Variants in STAT5B observed in about 807,000 individuals in gnomAD.
STAT5B encodes the protein transcription factor STAT5B.
Under a neutral mutation model 107.8 loss-of-function variants are expected in STAT5B, and 21 were observed. The observed-to-expected ratio is 0.19, with a 90% CI of 0.14 to 0.28. STAT5B has a LOEUF of 0.28. STAT5B is among the 10% of genes least tolerant of loss of function. The pLI, the probability that STAT5B is intolerant of heterozygous loss-of-function variation, is 1.00. For missense variants in STAT5B, 565 were observed against 1,008.2 expected (o/e 0.56, Z 5.95); for synonymous variants, 325 against 401.7 (o/e 0.81, Z 2.28).
At position 42,262,760 on chromosome 17, in the gene STAT5B, A is replaced by G. The variant is rs187413920; in HGVS notation, c.-11+13488T>C. On this transcript the variant is annotated intron_variant, in intron 1 of 18. Transcript: ENST00000293328. ...GCAGAGTGTGTATATATATGTGTGTATATATATACATATATGTATATATAT... is the reference window on the plus strand; with the variant it reads ...GCAGAGTGTGTATATATATGTGTGTGTATATATACATATATGTATATATAT... Among the ~76,000 whole-genome samples the G allele has an allele frequency of 3.5e-3, 452 of 128,216 alleles. 5 individuals carry two copies. The highest frequency in any genetic ancestry group is 0.013 in the African/African-American group (428 of 34,054). 84.1% of individuals were successfully genotyped at this position (128,216 alleles called of 152,430 possible). A position where few individuals can be genotyped will look rare whatever the true frequency, so the allele number is the denominator to read the frequency against.
chr17:42,227,025 C>T (rs1281771997), intron 3 of STAT5B, among the ~76,000 whole-genome samples: 1 of 149,616 alleles, frequency 6.7e-6, no homozygotes, highest in Non-Finnish European at 1.5e-5. Flanking sequence ...ATCCCAGCTA[C>T]TTGAGAGGCT....
Position 42,212,301 on chromosome 17 carries a change from G to A in STAT5B, c.1474-111C>T, listed in dbSNP as rs1373929660. 6 of 1,545,576 alleles carry A rather than the reference G, an allele frequency of 3.9e-6. No homozygotes were observed. The Admixed American group carries it at 1.1e-4, about 29-fold the overall frequency. On this transcript the variant is annotated intron_variant, in intron 12 of 18. Coordinates refer to ENST00000293328, the MANE Select transcript of STAT5B (RefSeq NM_012448.4). Reference sequence around the variant, plus strand: ...GGGAGTGGTTACACACATTTGTCTTGCAGGGCCTGAGGATAAATTCAGACT... The same window carrying A: ...GGGAGTGGTTACACACATTTGTCTTACAGGGCCTGAGGATAAATTCAGACT...
intron 1 of STAT5B, among the ~76,000 whole-genome samples, chr17:42,273,359 A>C (rs1431716083): frequency 6.6e-6 from 1 of 152,246 alleles, no homozygotes; most frequent in Non-Finnish European, 1.5e-5. Context: ...ATTAAGTTGC[A>C]CAGTTAAAGT....
At chr17:42,228,227 G>C (rs937356997) in intron 2 of STAT5B, among the ~76,000 whole-genome samples, 2 of 152,176 alleles carry the variant, frequency 1.3e-5, no homozygotes, top group African/African-American at 4.8e-5. Flanking sequence ...GTGCCTACAA[G>C]AATTTATACG....
At chr17:42,265,594 G>T (rs1458386157) in intron 1 of STAT5B, among the ~76,000 whole-genome samples, 1 of 151,720 alleles carries the variant, frequency 6.6e-6, no homozygotes, top group Non-Finnish European at 1.5e-5. Context: ...CTCGTGATCC[G>T]ACTGCCTTAG....
intron 12 of STAT5B, among the ~76,000 whole-genome samples, chr17:42,212,394 G>A (rs996222953): frequency 6.6e-5 from 10 of 152,194 alleles, no homozygotes; most frequent in African/African-American, 2.4e-4. Context: ...ACAACTAGAA[G>A]GTAACCCATG....
chr17:42,203,105 T>G (rs2080059065), intron 16 of STAT5B, among the ~76,000 whole-genome samples: 1 of 152,068 alleles, frequency 6.6e-6, no homozygotes, highest in African/African-American at 2.4e-5. Context: ...ACACTTTGGC[T>G]AATTTTTGTA....
chr17:42,244,191 G>A (rs2080430930), intron 1 of STAT5B, among the ~76,000 whole-genome samples: 1 of 150,442 alleles, frequency 6.6e-6, no homozygotes, highest in African/African-American at 2.4e-5. Flanking sequence ...GGGTTCAGGT[G>A]ATCCTCCTCC....
chr17:42,210,379 G>A (rs375841379), intron 14 of STAT5B, 24 bp downstream of exon 14: 8 of 1,614,048 alleles, frequency 5.0e-6, no homozygotes, highest in East Asian at 2.2e-5. Flanking sequence ...CTCTGTCGGC[G>A]CCTTAAGAAA....
chr17:42,249,914 G>A (rs933445307), intron 1 of STAT5B, among the ~76,000 whole-genome samples: 1 of 152,054 alleles, frequency 6.6e-6, no homozygotes, highest in African/African-American at 2.4e-5. Flanking sequence ...CACCCACCTC[G>A]GCCCTCCAAA....
chr17:42,240,530 T>C lies in STAT5B; in HGVS notation c.-10-8393A>G, dbSNP rs149070873. 9.9e-5 allele frequency among the ~76,000 whole-genome samples: 15 copies of C among 152,210 alleles called. No homozygotes were observed. In the East Asian group the frequency reaches 2.9e-3, roughly 29 times the overall value. On this transcript the variant is annotated intron_variant, in intron 1 of 18. Transcript: ENST00000293328. ...ATGATTGCTAAAAGGTAAGGGCTTT[T>C]TGAGGGGATGATGAAAATGTTCCGG...
intron 5 of STAT5B, among the ~76,000 whole-genome samples, chr17:42,220,059 C>T (rs181501572): frequency 3.3e-5 from 5 of 152,336 alleles, no homozygotes; most frequent in African/African-American, 1.2e-4. Flanking sequence ...TCTGAGCCGT[C>T]CCCTCTGGGG....
chr17:42,273,758 A>G (rs1281622403), intron 1 of STAT5B, among the ~76,000 whole-genome samples: 2 of 152,234 alleles, frequency 1.3e-5, no homozygotes, highest in Non-Finnish European at 2.9e-5. Context: ...CTACATAACA[A>G]CAAGCCAAAT....
rs3048166 is a variant in STAT5B, at chr17:42,253,107, C to CCTTTCTTT, written c.-10-20978_-10-20971dup. 1.7e-3 allele frequency among the ~76,000 whole-genome samples: 250 copies of CCTTTCTTT among 148,538 alleles called. 3 individuals are homozygous for CCTTTCTTT. Among genetic ancestry groups the CCTTTCTTT allele is most frequent in the African/African-American group, 5.1e-3 (198 of 38,616 alleles). On this transcript the variant is annotated intron_variant, in intron 1 of 18. Coordinates refer to ENST00000293328, the MANE Select transcript of STAT5B (RefSeq NM_012448.4). ...TGGCATCAGTCTGATAGACGTTGAA[C>CCTTTCTTT]CTTTCTTTCTTTCTTTCTTTCTTTC... is the stretch of plus-strand genomic sequence containing the variant.
intron 16 of STAT5B, among the ~76,000 whole-genome samples, chr17:42,207,033 C>T (rs1005987445): frequency 2.0e-5 from 3 of 151,804 alleles, no homozygotes; most frequent in Non-Finnish European, 2.9e-5. Context: ...CCTGCCACCA[C>T]ACCTAATTTT....
intron 12 of STAT5B, chr17:42,214,320 G>A: frequency 1.0e-6 from 1 of 985,318 alleles, no homozygotes; most frequent in Non-Finnish European, 1.2e-6. Flanking sequence ...CAAGAGATGT[G>A]GCAATCTTAT....
chr17:42,227,415 AC>A, intron 3 of STAT5B, 113 bp downstream of exon 3: 2 of 1,436,196 alleles, frequency 1.4e-6, no homozygotes, highest in Non-Finnish European at 1.9e-6. Flanking sequence ...CACAACAAGA[AC>A]CTTATGCACG....
intron 1 of STAT5B, among the ~76,000 whole-genome samples, chr17:42,268,319 A>G (rs2080691808): frequency 6.6e-6 from 1 of 152,208 alleles, no homozygotes; most frequent in Non-Finnish European, 1.5e-5. Context: ...TACTCAATAC[A>G]GTATACATGT....
At chr17:42,251,274 A>C (rs1288751545) in intron 1 of STAT5B, among the ~76,000 whole-genome samples, 2 of 152,172 alleles carry the variant, frequency 1.3e-5, no homozygotes, top group Non-Finnish European at 2.9e-5. Context: ...GGGCTTGGGT[A>C]ACTTTCCCAT....
Sources: allele counts gnomAD v4.1 joint callset (sites outside exome capture counted in the v4.1 genomes callset), GRCh38; gene constraint gnomAD v4.1.1; transcripts MANE v1.5; gene names NCBI Gene and HGNC (gene_info 2026-07-23, HGNC 2026-07-21).